Variants in SUPT3H observed in about 807,000 individuals in gnomAD.
SUPT3H encodes SPT3 homolog, SAGA and STAGA complex component.
SUPT3H carries 44 observed loss-of-function variants against 44.3 expected under a neutral mutation model. The ratio of observed to expected loss-of-function variants is 0.99; its 90% CI spans 0.78 to 1.28. SUPT3H has a LOEUF of 1.28. Among genes scored for constraint, SUPT3H ranks in the 50% most tolerant of loss-of-function variants. The pLI, the probability that SUPT3H is intolerant of heterozygous loss-of-function variation, is 0.00. For missense variants in SUPT3H, 380 were observed against 387.1 expected (o/e 0.98, Z 0.15); for synonymous variants, 124 against 125.6 (o/e 0.99, Z 0.09).
At chr6:45,049,054 AAT>A (rs1158543773) in intron 3 of SUPT3H, among the ~76,000 whole-genome samples, 12 of 152,222 alleles carry the variant, frequency 7.9e-5, no homozygotes, top group African/African-American at 2.6e-4. Context: ...CAAAAAAATT[AAT>A]ATGTGAAGTA....
chr6:44,988,088 G>A (rs1356749884), intron 6 of SUPT3H, among the ~76,000 whole-genome samples: 1 of 152,088 alleles, frequency 6.6e-6, no homozygotes, highest in African/African-American at 2.4e-5. Context: ...AATGGGCAAA[G>A]AGTGAGATCT....
intron 2 of SUPT3H, among the ~76,000 whole-genome samples, chr6:45,258,388 G>C (rs1773762862): frequency 6.6e-6 from 1 of 152,124 alleles, no homozygotes; most frequent in Non-Finnish European, 1.5e-5. Flanking sequence ...AACCATAATT[G>C]GCTGAGATTA....
At chr6:45,349,313 GTTCT>G (rs938039991) in intron 2 of SUPT3H, among the ~76,000 whole-genome samples, 1 of 152,116 alleles carries the variant, frequency 6.6e-6, no homozygotes, top group African/African-American at 2.4e-5. Context: ...AAAAATGTGG[GTTCT>G]TTCTTGGCTT....
At chr6:45,313,628 C>T (rs978744258) in intron 2 of SUPT3H, among the ~76,000 whole-genome samples, 4 of 143,240 alleles carry the variant, frequency 2.8e-5, no homozygotes, top group South Asian at 2.2e-4. Context: ...TAACAAGCAG[C>T]GAGATTGAAA....
At chr6:45,105,243 A>G (rs1332460398) in intron 3 of SUPT3H, among the ~76,000 whole-genome samples, 1 of 152,118 alleles carries the variant, frequency 6.6e-6, no homozygotes, top group Non-Finnish European at 1.5e-5. Flanking sequence ...TCACAAAATA[A>G]CAGGAATAAA....
At chr6:45,108,740 A>C (rs993524675) in intron 2 of SUPT3H, among the ~76,000 whole-genome samples, 4 of 152,138 alleles carry the variant, frequency 2.6e-5, no homozygotes, top group Non-Finnish European at 5.9e-5. Flanking sequence ...ACATACACAG[A>C]AGCATTTAAA....
At chr6:44,974,446 C>T (rs1477013261) in intron 6 of SUPT3H, among the ~76,000 whole-genome samples, 3 of 152,058 alleles carry the variant, frequency 2.0e-5, no homozygotes, top group African/African-American at 4.8e-5. Context: ...ATTCTTTCTC[C>T]TCTGCAAAGT....
At chr6:45,138,001 C>T (rs1804590742) in intron 2 of SUPT3H, among the ~76,000 whole-genome samples, 1 of 151,934 alleles carries the variant, frequency 6.6e-6, no homozygotes, top group Non-Finnish European at 1.5e-5. Context: ...ATAAAAAGAA[C>T]ACATAAAGCT....
intron 2 of SUPT3H, among the ~76,000 whole-genome samples, chr6:45,177,826 A>G (rs532178555): frequency 0.052 from 7,971 of 152,002 alleles, 725 homozygotes; most frequent in African/African-American, 0.18. Flanking sequence ...AGTAAGCTTC[A>G]TAAGTGAAGG....
intron 2 of SUPT3H, among the ~76,000 whole-genome samples, chr6:45,182,481 C>A (rs1484226794): frequency 6.6e-6 from 1 of 152,164 alleles, no homozygotes; most frequent in Non-Finnish European, 1.5e-5. Flanking sequence ...AGGCTGATCA[C>A]AATCTTCTGA....
chr6:45,317,099 C>A (rs1001636310), intron 2 of SUPT3H, among the ~76,000 whole-genome samples: 4 of 151,536 alleles, frequency 2.6e-5, no homozygotes, highest in Non-Finnish European at 5.9e-5. Flanking sequence ...TCGTGGCATG[C>A]ACAGATAGTT....
intron 3 of SUPT3H, among the ~76,000 whole-genome samples, chr6:45,037,657 C>A (rs571879813): frequency 6.0e-5 from 9 of 149,830 alleles, no homozygotes; most frequent in African/African-American, 2.2e-4. Flanking sequence ...GAGCGAGACT[C>A]CATATTAAAA....
At chr6:45,129,332 T>A (rs1004369551) in intron 2 of SUPT3H, among the ~76,000 whole-genome samples, 5 of 152,202 alleles carry the variant, frequency 3.3e-5, no homozygotes, top group African/African-American at 1.2e-4. Context: ...ATAAAGAAGT[T>A]TTCATTTGGC....
At chr6:45,370,710 C>T (rs1795919765) in intron 1 of SUPT3H, among the ~76,000 whole-genome samples, 1 of 151,974 alleles carries the variant, frequency 6.6e-6, no homozygotes, top group South Asian at 2.1e-4. Context: ...GAAAACTACC[C>T]CCATCCTTTC....
chr6:45,281,956 C>A (rs936536689), intron 2 of SUPT3H, among the ~76,000 whole-genome samples: 1 of 152,210 alleles, frequency 6.6e-6, no homozygotes. Flanking sequence ...GCAGCATCCA[C>A]TGCTGATACC....
chr6:45,242,994 G>A (rs1284979194), intron 2 of SUPT3H, among the ~76,000 whole-genome samples: 2 of 151,862 alleles, frequency 1.3e-5, no homozygotes, highest in Non-Finnish European at 2.9e-5. Context: ...CAGGATTTAG[G>A]ACCAGCCTAA....
intron 3 of SUPT3H, among the ~76,000 whole-genome samples, chr6:45,105,059 A>T (rs973845476): frequency 3.3e-5 from 5 of 152,016 alleles, no homozygotes; most frequent in African/African-American, 1.2e-4. Context: ...TAGGATATAC[A>T]TATACTAAAC....
At chr6:45,334,036 A>C (rs1395950022) in intron 2 of SUPT3H, among the ~76,000 whole-genome samples, 1 of 151,346 alleles carries the variant, frequency 6.6e-6, no homozygotes, top group African/African-American at 2.4e-5. Context: ...AGTTAACATT[A>C]TTCCCAGAAA....
chr6:45,365,869 G>T (rs1581940886), intron 1 of SUPT3H, among the ~76,000 whole-genome samples: 1 of 131,220 alleles, frequency 7.6e-6, no homozygotes, highest in South Asian at 2.5e-4. Context: ...ATGTCAATCG[G>T]TAGATCAAAA....
Sources: allele counts gnomAD v4.1 joint callset (sites outside exome capture counted in the v4.1 genomes callset), GRCh38; gene constraint gnomAD v4.1.1; transcripts MANE v1.5; gene names NCBI Gene and HGNC (gene_info 2026-07-23, HGNC 2026-07-21).